The following DOCK10 variants were observed in gnomAD, a reference collection of about 807,000 sequenced individuals.
The protein encoded by DOCK10 is dedicator of cytokinesis protein 10.
A neutral mutation model predicts 280.1 loss-of-function variants in DOCK10; 145 were observed. The ratio of observed to expected loss-of-function variants is 0.52; its 90% CI spans 0.45 to 0.59. The LOEUF (loss-of-function observed/expected upper bound fraction) is 0.59. DOCK10 is among the 20% of genes least tolerant of loss of function. DOCK10 has a pLI of 0.00. For missense variants in DOCK10, 2,368 were observed against 2,651.7 expected, an observed-to-expected ratio of 0.89 and a Z score of 2.35; for synonymous variants, 915 against 942.2, an observed-to-expected ratio of 0.97 and a Z score of 0.53.
intron 1 of DOCK10, among the ~76,000 whole-genome samples, chr2:225,025,721 C>T (rs532652684): frequency 7.2e-6 from 1 of 137,980 alleles, no homozygotes; most frequent in East Asian, 2.0e-4. Context: ...ATTCAAAGCC[C>T]TTCAGTTAAA....
Position 224,786,764 on chromosome 2 carries a change from A to G in DOCK10, c.5655+258T>C, listed in dbSNP as rs539997852. 5.3e-5 allele frequency among the ~76,000 whole-genome samples: 8 copies of G among 152,340 alleles called. No homozygotes were observed. The South Asian group carries it at 1.7e-3, about 32-fold the overall frequency. ...GCTGGAAAGAAGAGAGTGTTGAAAA[A>G]TAAATGCCCTCTTTCTTCAAGAAGT... On this transcript the variant is annotated intron_variant, in intron 50 of 55. Transcript: ENST00000258390. The surrounding 1 kb of genome is among the most constrained non-coding windows in gnomAD (Gnocchi z 4.7).
chr2:224,913,433 T>C (rs1701143072), intron 3 of DOCK10, among the ~76,000 whole-genome samples: 1 of 152,142 alleles, frequency 6.6e-6, no homozygotes, highest in South Asian at 2.1e-4. Flanking sequence ...TTTTCTCCGG[T>C]TATTTGTCTT....
chr2:224,796,627 A>C (rs146452911), intron 43 of DOCK10, among the ~76,000 whole-genome samples: 2 of 152,202 alleles, frequency 1.3e-5, no homozygotes, highest in Non-Finnish European at 2.9e-5. Context: ...GGCTGCAGGA[A>C]TCTTGGAATC....
At position 224,787,364 on chromosome 2, in the gene DOCK10, C is replaced by G; in HGVS notation, c.5452G>C (p.Glu1818Gln). Residue 1818 changes from glutamate to glutamine, a missense_variant, in exon 49 of 56, where the codon GAG becomes CAG. Coordinates refer to ENST00000258390, the MANE Select transcript of DOCK10 (RefSeq NM_014689.3). Reference protein sequence around the residue: ...ILVEQLYMCVEFLWKSERYEL... With the variant: ...ILVEQLYMCVQFLWKSERYEL... The stretch of plus-strand genomic sequence containing the variant: ...TATCGCTCAGACTTCCAGAGAAACT[C>G]CACACACATGTATAGCTGCTCCACC... The G allele has an allele frequency of 6.2e-7, 1 of 1,613,930 alleles. No individual in the cohort carries two copies. The highest frequency in any genetic ancestry group is 8.5e-7 in the Non-Finnish European group (1 of 1,179,860).
chr2:224,909,465 G>A (rs1247519081), intron 3 of DOCK10, among the ~76,000 whole-genome samples: 2 of 152,170 alleles, frequency 1.3e-5, no homozygotes, highest in African/African-American at 4.8e-5. Flanking sequence ...AACTAAGGCA[G>A]AAAAGTTAAT....
At position 224,853,010 on chromosome 2, in the gene DOCK10, A is replaced by T. The variant is rs771088520; in HGVS notation, c.2001T>A (p.Pro667=). The part of the protein sequence containing the change: ...FVYDSTKYCR[P]YRVYKNQIYI... ...AAATTTGATTTTTATATACTCTGTA[A>T]GGCCGACAATACTTTGTTGAATCGT... Residue 667 remains proline (P), a synonymous_variant, in exon 17 of 56, where the codon CCT becomes CCA. Transcript: ENST00000258390. 6.2e-7 allele frequency: 1 copy of T among 1,612,920 alleles called. No individual in the cohort carries two copies. Among genetic ancestry groups the T allele is most frequent in the East Asian group, 2.2e-5 (1 of 44,864 alleles).
intron 18 of DOCK10, among the ~76,000 whole-genome samples, chr2:224,849,838 G>A (rs944934783): frequency 1.3e-5 from 2 of 152,078 alleles, no homozygotes; most frequent in African/African-American, 2.4e-5. Flanking sequence ...TAGTTAATAC[G>A]CCAGGGCCAA....
intron 1 of DOCK10, among the ~76,000 whole-genome samples, chr2:224,936,232 C>A (rs1262985965): frequency 6.6e-6 from 1 of 152,186 alleles, no homozygotes; most frequent in Non-Finnish European, 1.5e-5. Context: ...CACTTCAATT[C>A]TTCAGCAAAG....
At chr2:224,875,158 T>G (rs1328296861) in intron 8 of DOCK10, among the ~76,000 whole-genome samples, 2 of 152,236 alleles carry the variant, frequency 1.3e-5, no homozygotes, top group Non-Finnish European at 2.9e-5. Flanking sequence ...TAAGACACTG[T>G]AAACATTAAT....
chr2:224,843,294 G>A lies in DOCK10; in HGVS notation c.2569-1398C>T, dbSNP rs192182986. ...TTGAAAACTGAGGTAAATGCTGCCA[G>A]TGCATGGGTAGTGAGAGTCGAGGTA... On this transcript the variant is annotated intron_variant, in intron 22 of 55. Transcript: ENST00000258390. Among the ~76,000 whole-genome samples, 6 of 152,316 alleles carry A rather than the reference G, an allele frequency of 3.9e-5. No individual in the cohort carries two copies. In the East Asian group the frequency reaches 7.7e-4, roughly 20 times the overall value.
intron 7 of DOCK10, among the ~76,000 whole-genome samples, chr2:224,880,282 T>C (rs1251893542): frequency 6.6e-6 from 1 of 152,214 alleles, no homozygotes; most frequent in Non-Finnish European, 1.5e-5. Context: ...ATTACCTTCT[T>C]CTATTTCAAG....
chr2:224,851,055 T>C (rs1007378910), intron 18 of DOCK10, among the ~76,000 whole-genome samples: 6 of 152,150 alleles, frequency 3.9e-5, no homozygotes, highest in African/African-American at 1.2e-4. Context: ...TACGCCAGCT[T>C]CCAGGATAGG....
At chr2:225,005,803 T>C (rs968384630) in intron 1 of DOCK10, among the ~76,000 whole-genome samples, 1 of 152,222 alleles carries the variant, frequency 6.6e-6, no homozygotes, top group Non-Finnish European at 1.5e-5. Context: ...ATCCTCAGTG[T>C]AATCTGAAGT....
chr2:224,888,706 G>A (rs549584569), intron 4 of DOCK10, among the ~76,000 whole-genome samples: 1 of 151,722 alleles, frequency 6.6e-6, no homozygotes, highest in South Asian at 2.1e-4. Context: ...TATATGTGGT[G>A]TGAATATGTG....
intron 3 of DOCK10, among the ~76,000 whole-genome samples, chr2:224,902,852 G>A (rs1325481125): frequency 2.0e-5 from 3 of 152,128 alleles, no homozygotes; most frequent in Non-Finnish European, 2.9e-5. Flanking sequence ...CCAGCACTTA[G>A]GGAGGCCAAC....
intron 28 of DOCK10, among the ~76,000 whole-genome samples, chr2:224,821,526 T>A (rs1574880774): frequency 6.6e-6 from 1 of 151,932 alleles, no homozygotes; most frequent in Non-Finnish European, 1.5e-5. Context: ...TTTCCTTTCT[T>A]TTTTTTCTCT....
chr2:224,967,380 G>A (rs367649609), intron 1 of DOCK10, among the ~76,000 whole-genome samples: 1 of 152,028 alleles, frequency 6.6e-6, no homozygotes, highest in Non-Finnish European at 1.5e-5. Context: ...GCGCCCAGCC[G>A]GCCTATCCTC....
intron 30 of DOCK10, 42 bp downstream of exon 30, chr2:224,816,575 T>G: frequency 9.0e-7 from 1 of 1,113,650 alleles, no homozygotes; most frequent in Non-Finnish European, 1.3e-6. Context: ...ACAAAAGCAT[T>G]CACTTTGCAG....
chr2:224,981,957 C>T (rs1705769025), intron 1 of DOCK10, among the ~76,000 whole-genome samples: 2 of 152,156 alleles, frequency 1.3e-5, no homozygotes, highest in Admixed American at 1.3e-4. Flanking sequence ...AACATGCAAA[C>T]CATGAGGCAG....
Sources: gnomAD v4.1 joint callset for allele counts (sites outside exome capture counted in the v4.1 genomes callset) on GRCh38, gnomAD v4.1.1 for gene constraint, Gnocchi (gnomAD v3.1) non-coding constraint, MANE v1.5 for transcripts, NCBI Gene and HGNC (gene_info 2026-07-23, HGNC 2026-07-21) for gene names.